The following KIAA0586 variants were observed in gnomAD, a reference collection of about 807,000 sequenced individuals.
KIAA0586 encodes the protein protein TALPID3.
Under a neutral mutation model 169.8 loss-of-function variants are expected in KIAA0586, and 144 were observed. The ratio of observed to expected loss-of-function variants is 0.85; its 90% CI spans 0.74 to 0.97. The LOEUF is 0.97. Among genes scored for constraint, KIAA0586 ranks in the 50% least tolerant of loss-of-function variants. The probability of loss-of-function intolerance (pLI) is 0.00; values close to 1 mark genes in which losing one functional copy is unlikely to be tolerated. For missense variants in KIAA0586, 1,854 were observed against 1,823.0 expected, an observed-to-expected ratio of 1.02 and a Z score of -0.31; for synonymous variants, 625 against 612.4, an observed-to-expected ratio of 1.02 and a Z score of -0.30.
intron 15 of KIAA0586, among the ~76,000 whole-genome samples, chr14:58,466,645 C>T (rs1252921363): frequency 6.6e-6 from 1 of 152,066 alleles, no homozygotes; most frequent in Non-Finnish European, 1.5e-5. Context: ...CAGGAGAATC[C>T]CTTCAGTCCA....
intron 20 of KIAA0586, among the ~76,000 whole-genome samples, chr14:58,480,042 A>G (rs2041923866): frequency 6.6e-6 from 1 of 151,934 alleles, no homozygotes; most frequent in Non-Finnish European, 1.5e-5. Flanking sequence ...GCCTCAGGAT[A>G]AGCTATTCTT....
intron 20 of KIAA0586, among the ~76,000 whole-genome samples, chr14:58,478,269 G>A (rs927352906): frequency 6.6e-6 from 1 of 152,176 alleles, no homozygotes; most frequent in African/African-American, 2.4e-5. Flanking sequence ...GATCACCTGA[G>A]GTGAGGAGTT....
intron 2 of KIAA0586, among the ~76,000 whole-genome samples, chr14:58,430,031 T>C (rs925619523): frequency 2.0e-5 from 3 of 152,186 alleles, no homozygotes; most frequent in African/African-American, 4.8e-5. Flanking sequence ...ATTTTGAAAA[T>C]TGAAGCTGGC....
intron 1 of KIAA0586, 64 bp from the exon 2 acceptor site, chr14:58,429,299 T>C (rs1362880108): frequency 5.2e-6 from 5 of 966,950 alleles, no homozygotes; most frequent in Admixed American, 1.7e-5. Context: ...ATCATGCATA[T>C]ACAGTTTCTA....
chr14:58,498,706 A>AAAG, intron 26 of KIAA0586, 77 bp from the exon 27 acceptor site: 1 of 1,282,896 alleles, frequency 7.8e-7, no homozygotes, highest in Non-Finnish European at 1.1e-6. Flanking sequence ...GGTATTGTTC[A>AAAG]TGATATTTGG....
At chr14:58,444,675 C>T (rs1035400284) in intron 6 of KIAA0586, among the ~76,000 whole-genome samples, 8 of 152,122 alleles carry the variant, frequency 5.3e-5, no homozygotes, top group Middle Eastern at 3.4e-3. Context: ...CTGCCTTCCT[C>T]GGCCTCCCAA....
rs780889745 is a variant in KIAA0586, at chr14:58,458,005, T to A, written c.1583+26T>A. On this transcript the variant is annotated intron_variant, in intron 11 of 30. Transcript: ENST00000652326. The stretch of plus-strand genomic sequence containing the variant: ...GTAAGAGGATGTTGGCATCCAGGGT[T>A]ATTTATGAGTCTGTCAGTTCCACTT... 4.9e-6 allele frequency: 7 copies of A among 1,421,126 alleles called. No individual in the cohort carries two copies. The South Asian group carries it at 8.7e-5, about 18-fold the overall frequency. The allele number at this position is 1,421,126 out of a possible 1,614,324, so 88.0% of individuals were successfully genotyped here.
intron 21 of KIAA0586, among the ~76,000 whole-genome samples, chr14:58,483,170 A>G (rs929137648): frequency 4.6e-5 from 7 of 152,226 alleles, no homozygotes; most frequent in Non-Finnish European, 8.8e-5. Flanking sequence ...CCCTCTATAT[A>G]TATATGGATT....
Position 58,547,722 on chromosome 14 carries a change from A to G in KIAA0586, c.4496-59A>G, listed in dbSNP as rs560594732. On this transcript the variant is annotated intron_variant, in intron 30 of 30. Coordinates refer to ENST00000652326, the MANE Select transcript of KIAA0586 (RefSeq NM_001329943.3). ...AACCTCATATTATTTCGCAAAGCAT[A>G]AAGCACGTAAATACTCAGGTTACGC... 6.7e-6 allele frequency: 10 copies of G among 1,495,182 alleles called. No homozygotes were observed. In the East Asian group the frequency reaches 1.9e-4, roughly 28 times the overall value. 92.6% of individuals were successfully genotyped at this position (1,495,182 alleles called of 1,614,324 possible).
At chr14:58,442,464 T>G (rs573402854) in intron 4 of KIAA0586, among the ~76,000 whole-genome samples, 26 of 152,334 alleles carry the variant, frequency 1.7e-4, no homozygotes, top group African/African-American at 6.0e-4. Flanking sequence ...TATGCCTTTT[T>G]CATATGTTTA....
At chr14:58,434,146 A>C (rs1198458084) in intron 4 of KIAA0586, among the ~76,000 whole-genome samples, 1 of 152,212 alleles carries the variant, frequency 6.6e-6, no homozygotes, top group Non-Finnish European at 1.5e-5. Context: ...CGTCAGTGTA[A>C]TAAGCAAATC....
At chr14:58,489,598 C>G (rs560213591) in intron 24 of KIAA0586, among the ~76,000 whole-genome samples, 1 of 151,568 alleles carries the variant, frequency 6.6e-6, no homozygotes, top group Non-Finnish European at 1.5e-5. Flanking sequence ...TCTTATTTTT[C>G]TTTTCTGGCT....
At chr14:58,438,746 G>A (rs1277338795) in intron 4 of KIAA0586, among the ~76,000 whole-genome samples, 2 of 152,166 alleles carry the variant, frequency 1.3e-5, no homozygotes, top group East Asian at 1.9e-4. Flanking sequence ...GGTAGTACTT[G>A]CATTGCACCT....
At position 58,549,615 on chromosome 14, in the gene KIAA0586, A is replaced by G. The variant is rs2140164788; in HGVS notation, c.*1683A>G. On this transcript the variant is annotated 3_prime_UTR_variant, in exon 31 of 31. Transcript: ENST00000652326. ...TTTTCTTTGATATGGCCCTTTGGAC[A>G]GTTCTGCTTATAACAGTTTCCTTTA... 6.6e-6 allele frequency: 1 copy of G among 152,344 alleles called. No individual in the cohort carries two copies. The highest frequency in any genetic ancestry group is 1.9e-4 in the East Asian group (1 of 5,180). The allele number at this position is 152,344 out of a possible 1,614,324, so 9.4% of individuals were successfully genotyped here. A position where few individuals can be genotyped will look rare whatever the true frequency, so the allele number is the denominator to read the frequency against.
chr14:58,432,277 T>C (rs2037440506), intron 3 of KIAA0586, 111 bp from the exon 4 acceptor site: 1 of 645,252 alleles, frequency 1.5e-6, no homozygotes, highest in Non-Finnish European at 2.7e-6. Flanking sequence ...TGGAATGCTA[T>C]GGCTGAGTTC....
At position 58,430,730 on chromosome 14, in the gene KIAA0586, T is replaced by C. The variant is rs774674635; in HGVS notation, c.340+13T>C. ...AACAAGCAAAAAGGTAAAAGAATAA[T>C]ATTGATTTTTTTAAATTGTGACAAC... On this transcript the variant is annotated intron_variant, in intron 3 of 30. Transcript: ENST00000652326. The C allele has an allele frequency of 6.7e-7, 1 of 1,493,550 alleles. No homozygotes were observed. Among genetic ancestry groups the C allele is most frequent in the South Asian group, 1.2e-5 (1 of 85,822 alleles). The allele number at this position is 1,493,550 out of a possible 1,614,324, so 92.5% of individuals were successfully genotyped here.
Position 58,428,482 on chromosome 14 carries a change from T to A in KIAA0586, c.199+19T>A. 2 of 1,557,370 alleles carry A rather than the reference T, an allele frequency of 1.3e-6. No homozygotes were observed. The highest frequency in any genetic ancestry group is 1.8e-6 in the Non-Finnish European group (2 of 1,130,448). The stretch of plus-strand genomic sequence containing the variant: ...TCACGTGGTATGTGATTCCATGTAG[T>A]TTTTCAACCAGTTTTAGTTTAGTAA... On this transcript the variant is annotated intron_variant, in intron 1 of 30. Coordinates refer to ENST00000652326, the MANE Select transcript of KIAA0586 (RefSeq NM_001329943.3).
At chr14:58,458,448 G>T in intron 11 of KIAA0586, 25 bp from the exon 12 acceptor site, 1 of 1,387,294 alleles carries the variant, frequency 7.2e-7, no homozygotes, top group South Asian at 1.3e-5. Flanking sequence ...GCTAATTTAA[G>T]AAAATTCCTT....
At chr14:58,519,637 A>G (rs2045044603) in intron 29 of KIAA0586, among the ~76,000 whole-genome samples, 1 of 152,162 alleles carries the variant, frequency 6.6e-6, no homozygotes, top group Non-Finnish European at 1.5e-5. Context: ...TATCATCTCT[A>G]TATTTCCAGG....
Sources: allele counts gnomAD v4.1 joint callset (sites outside exome capture counted in the v4.1 genomes callset), GRCh38; gene constraint gnomAD v4.1.1; transcripts MANE v1.5; gene names NCBI Gene and HGNC (gene_info 2026-07-23, HGNC 2026-07-21).